Variants in PRRC2B observed in about 807,000 individuals in gnomAD.
The protein encoded by PRRC2B is protein PRRC2B.
Under a neutral mutation model 242.3 loss-of-function variants are expected in PRRC2B, and 68 were observed. That is an observed-to-expected ratio of 0.28 (90% confidence interval 0.23 to 0.34). The LOEUF is 0.34. PRRC2B is among the 10% of genes least tolerant of loss of function. The probability of loss-of-function intolerance (pLI) is 1.00; values close to 1 mark genes in which losing one functional copy is unlikely to be tolerated. For missense variants in PRRC2B, 2,835 were observed against 2,954.8 expected, an observed-to-expected ratio of 0.96 and a Z score of 0.94; for synonymous variants, 1,228 against 1,173.6, an observed-to-expected ratio of 1.05 and a Z score of -0.95.
At position 131,478,618 on chromosome 9, in the gene PRRC2B, A is replaced by AGGTGAGGGGCGGAG; in HGVS notation, c.4758+4_4758+17dup. The stretch of plus-strand genomic sequence containing the variant: ...AGAAGAAAGAAGGAGCAGGCCGTGC[A>AGGTGAGGGGCGGAG]GGTGAGGGGCGGAGGGTGGGGGGGC... On this transcript the variant is annotated frameshift_variant and splice_region_variant, in exon 18 of 32. Coordinates refer to ENST00000683519, the MANE Select transcript of PRRC2B (RefSeq NM_013318.4). LOFTEE classifies it high-confidence loss of function. 1 of 548,060 alleles carries AGGTGAGGGGCGGAG rather than the reference A, an allele frequency of 1.8e-6. No homozygotes were observed. Among genetic ancestry groups the AGGTGAGGGGCGGAG allele is most frequent in the Non-Finnish European group, 2.8e-6 (1 of 352,796 alleles). The allele number at this position is 548,060 out of a possible 1,614,324, so 33.9% of individuals were successfully genotyped here. A position where few individuals can be genotyped will look rare whatever the true frequency, so the allele number is the denominator to read the frequency against.
chr9:131,476,337 G>A lies in PRRC2B; in HGVS notation c.4208G>A (p.Gly1403Asp), dbSNP rs1276696131. ...TCCGAGCCCGACTCCCAGGTGGATG[G>A]TGGCCTGTCGGGGGCTAGTTTGGGT... ...PGSEPDSQVD[G>D]GLSGASLGEK... is the part of the protein sequence containing the mutation. The change falls in exon 16 of 32, where the codon GGT (glycine) becomes GAT (aspartate). Residue 1403 changes from glycine to aspartate, a missense_variant. Physicochemically the swap from Gly to Asp is moderately conservative, Grantham distance 94. Transcript: ENST00000683519. The A allele has an allele frequency of 1.3e-6, 2 of 1,585,668 alleles. No individual in the cohort carries two copies. The highest frequency in any genetic ancestry group is 1.7e-4 in the Middle Eastern group (1 of 6,028).
At chr9:131,457,037 T>C (rs1419316321) in intron 10 of PRRC2B, among the ~76,000 whole-genome samples, 1 of 152,250 alleles carries the variant, frequency 6.6e-6, no homozygotes, top group Admixed American at 6.5e-5. Context: ...ATTTGTTTAG[T>C]CAAATCTGTG....
At chr9:131,443,042 G>C (rs1040699451) in intron 5 of PRRC2B, among the ~76,000 whole-genome samples, 2 of 152,072 alleles carry the variant, frequency 1.3e-5, no homozygotes, top group African/African-American at 4.8e-5. Flanking sequence ...TTACTCATGT[G>C]TATAAATCTA....
rs568986371 is a variant in PRRC2B at position 131,388,958 on chromosome 9, G to A, written c.-56+15227G>A. 2.3e-3 allele frequency among the ~76,000 whole-genome samples: 337 copies of A among 146,664 alleles called. 7 individuals carry two copies. Among genetic ancestry groups the A allele is most frequent in the African/African-American group, 7.8e-3 (315 of 40,172 alleles). On this transcript the variant is annotated intron_variant, in intron 1 of 1. Coordinates refer to the PRRC2B transcript ENST00000682525. ...CGGATTCAACCAATTCTCCTGCCTC[G>A]TCCTTCCAAGTAGCTGGGACTACAA...
At chr9:131,420,598 T>A (rs971334015) in intron 1 of PRRC2B, among the ~76,000 whole-genome samples, 7 of 147,966 alleles carry the variant, frequency 4.7e-5, no homozygotes, top group African/African-American at 1.7e-4. Flanking sequence ...TTCAAGTGAG[T>A]CCTGTCTCAG....
chr9:131,442,741 C>G (rs1043213663), intron 5 of PRRC2B, among the ~76,000 whole-genome samples: 2 of 152,104 alleles, frequency 1.3e-5, no homozygotes, highest in Non-Finnish European at 2.9e-5. Flanking sequence ...TGTGTGGTGT[C>G]GCCACTGTTC....
At chr9:131,448,548 A>AAAAAAAAAAAAAAC (rs1208347911) in intron 9 of PRRC2B, among the ~76,000 whole-genome samples, 15,358 of 82,038 alleles carry the variant, frequency 0.19, 3,501 homozygotes, top group Non-Finnish European at 0.27. Flanking sequence ...TGTCTCAAAA[A>AAAAAAAAAAAAAAC]AAAAAAAAAA....
intron 28 of PRRC2B, among the ~76,000 whole-genome samples, chr9:131,489,401 C>T (rs1488654936): frequency 2.6e-5 from 4 of 151,984 alleles, no homozygotes; most frequent in Non-Finnish European, 1.5e-5. Context: ...AGGCTGATCT[C>T]GAACTGCTGA....
At chr9:131,478,649 G>GGGGGGGGGGGGCCCCGGGGC in intron 18 of PRRC2B, 30 bp downstream of exon 18, 3 of 504,556 alleles carry the variant, frequency 5.9e-6, no homozygotes, top group African/African-American at 2.0e-5. Flanking sequence ...GGGGCATGGG[G>GGGGGGGGGGGGCCCCGGGGC]CTGGAGGGCA....
rs371689498 is a variant in PRRC2B, at chr9:131,475,074, C to A, written c.2945C>A (p.Thr982Lys). The A allele has an allele frequency of 4.3e-5, 69 of 1,610,676 alleles. No homozygotes were observed. The highest frequency in any genetic ancestry group is 5.9e-5 in the Non-Finnish European group (69 of 1,178,462). ...GCCAAGGAGAAGGAGCAGAGCCCCA[C>A]GGCAGAAAAGGATGAGGACGAAGAG... ...RLAKEKEQSP[T>K]AEKDEDEEND... The change falls in exon 16 of 32, where the codon ACG becomes AAG. Residue 982 changes from threonine (T) to lysine (K), a missense_variant. This residue lies in a region of PRRC2B where 1,536 missense variants were observed against 1,483.1 expected (regional missense o/e 1.04). Coordinates refer to ENST00000683519, the MANE Select transcript of PRRC2B (RefSeq NM_013318.4).
At chr9:131,430,057 TCTC>T in intron 1 of PRRC2B, 34 bp from the exon 2 acceptor site, 1 of 676,424 alleles carries the variant, frequency 1.5e-6, no homozygotes, top group South Asian at 1.8e-5. Context: ...TTTTTTTCTC[TCTC>T]TTTTTTTTTT....
rs1315829967 is a variant in PRRC2B, at chr9:131,446,228, G to C, written c.614-173G>C. On this transcript the variant is annotated intron_variant, in intron 6 of 31. Transcript: ENST00000683519. The surrounding 1 kb of genome is among the most constrained non-coding windows in gnomAD (Gnocchi z 4.1). ...TCAGCAAGTTCATCCTCATTGGCCA[G>C]GGGTCTGCCCCAACCTTCCCTGACA... Among the ~76,000 whole-genome samples, 1 of 152,168 alleles carries C rather than the reference G, an allele frequency of 6.6e-6. No homozygotes were observed. The highest frequency in any genetic ancestry group is 1.5e-5 in the Non-Finnish European group (1 of 68,028).
Position 131,476,005 on chromosome 9 carries a change from A to C in PRRC2B, c.3876A>C (p.Glu1292Asp), listed in dbSNP as rs777997571. ...AAGATGAACACGTGGCAGATTCTGAAAATGCAGAGAACCGGCCCTTCAGGA... is the reference window on the plus strand; with the variant it reads ...AAGATGAACACGTGGCAGATTCTGACAATGCAGAGAACCGGCCCTTCAGGA... ...FFQDEHVADS[E>D]NAENRPFRRR... is the part of the protein sequence containing the mutation. Residue 1292 changes from glutamate to aspartate, a missense_variant, in exon 16 of 32, where the codon GAA becomes GAC. Glu to Asp is a conservative substitution (Grantham distance 45). Around this residue, in one of 7 missense-constraint regions of PRRC2B, gnomAD observed 1,536 missense variants for 1,483.1 expected, o/e 1.04. Transcript: ENST00000683519. 41 of 1,606,790 alleles carry C rather than the reference A, an allele frequency of 2.6e-5. No individual in the cohort carries two copies. The highest frequency in any genetic ancestry group is 3.5e-5 in the Non-Finnish European group (41 of 1,174,524).
chr9:131,416,358 G>A (rs1172547456), intron 1 of PRRC2B, among the ~76,000 whole-genome samples: 1 of 152,022 alleles, frequency 6.6e-6, no homozygotes, highest in African/African-American at 2.4e-5. Context: ...CTGCCGCCTC[G>A]GCCTCCCAAA....
Position 131,486,351 on chromosome 9 carries a change from G to A in PRRC2B, c.5856+169G>A, listed in dbSNP as rs185344635. 79 of 463,228 alleles carry A rather than the reference G, an allele frequency of 1.7e-4. 3 individuals are homozygous for A. In the South Asian group the frequency reaches 6.3e-3, roughly 37 times the overall value. 28.7% of individuals were successfully genotyped at this position (463,228 alleles called of 1,614,324 possible). On this transcript the variant is annotated intron_variant, in intron 26 of 31. Transcript: ENST00000683519. Reference sequence around the variant, plus strand: ...GGCAGCCAGGAGGCATTTGTTAAGCGAATAATCGAGACAGGGAAGAGGAGT... The same window carrying A: ...GGCAGCCAGGAGGCATTTGTTAAGCAAATAATCGAGACAGGGAAGAGGAGT...
At chr9:131,473,238 T>C (rs1409007135) in intron 14 of PRRC2B, among the ~76,000 whole-genome samples, 1 of 152,110 alleles carries the variant, frequency 6.6e-6, no homozygotes, top group African/African-American at 2.4e-5. Context: ...CTGTCCTGAG[T>C]GTTAAGGACC....
At chr9:131,460,395 A>G (rs1250754262) in intron 11 of PRRC2B, among the ~76,000 whole-genome samples, 1 of 152,172 alleles carries the variant, frequency 6.6e-6, no homozygotes, top group East Asian at 1.9e-4. Flanking sequence ...GTTTATCATC[A>G]TCTTTCTTGT....
chr9:131,464,113 T>C (rs1943323689), intron 11 of PRRC2B, among the ~76,000 whole-genome samples: 1 of 151,988 alleles, frequency 6.6e-6, no homozygotes, highest in Admixed American at 6.6e-5. Flanking sequence ...AGCTAATTTT[T>C]GTATTTTTAG....
chr9:131,416,297 T>TG (rs779679654), intron 1 of PRRC2B, among the ~76,000 whole-genome samples: 1 of 152,194 alleles, frequency 6.6e-6, no homozygotes, highest in Non-Finnish European at 1.5e-5. Flanking sequence ...TTAGTAGGGA[T>TG]GGGGTTTCAC....
Sources: gnomAD v4.1 joint callset for allele counts (sites outside exome capture counted in the v4.1 genomes callset) on GRCh38, gnomAD v4.1.1 for gene constraint, gnomAD v4.1.1 regional missense constraint, Gnocchi (gnomAD v3.1) non-coding constraint, MANE v1.5 for transcripts, NCBI Gene and HGNC (gene_info 2026-07-23, HGNC 2026-07-21) for gene names.